TRAM1: variants seen among roughly 807,000 people sequenced by gnomAD.
TRAM1 encodes translocating chain-associated membrane protein 1.
TRAM1 carries 17 observed loss-of-function variants against 48.7 expected under a neutral mutation model. The observed-to-expected ratio is 0.35, with a 90% CI of 0.24 to 0.52. The LOEUF is 0.52. Among genes scored for constraint, TRAM1 ranks in the 20% least tolerant of loss-of-function variants. The pLI, the probability that TRAM1 is intolerant of heterozygous loss-of-function variation, is 0.94. For synonymous variants in TRAM1, 182 were observed against 154.0 expected (o/e 1.18, Z -1.34); for missense variants, 351 against 441.5 (o/e 0.79, Z 1.84).
chr8:70,594,484 A>G, intron 6 of TRAM1, 22 bp downstream of exon 6: 1 of 1,566,612 alleles, frequency 6.4e-7, no homozygotes, highest in Non-Finnish European at 8.6e-7. Context: ...ACATTTTTTA[A>G]CACTACAAAA....
At chr8:70,603,826 A>G (rs1023523989) in intron 1 of TRAM1, among the ~76,000 whole-genome samples, 23 of 152,188 alleles carry the variant, frequency 1.5e-4, no homozygotes, top group Admixed American at 2.6e-4. Flanking sequence ...TTCCAAATAA[A>G]ATTAAAATTT....
At position 70,574,755 on chromosome 8, in the gene TRAM1, T is replaced by C. The variant is rs539984552; in HGVS notation, c.*177A>G. On this transcript the variant is annotated 3_prime_UTR_variant, in exon 11 of 11. Coordinates refer to ENST00000262213, the MANE Select transcript of TRAM1 (RefSeq NM_014294.6). ...CTTAGTCTAAGCTAAAATATTTTTT[T>C]CATTCATAGCAATAATCCTCCCCTC... 1 of 515,064 alleles carries C rather than the reference T, an allele frequency of 1.9e-6. No individual in the cohort carries two copies. Among genetic ancestry groups the C allele is most frequent in the South Asian group, 2.7e-5 (1 of 36,436 alleles). The allele number at this position is 515,064 out of a possible 1,614,324, so 31.9% of individuals were successfully genotyped here. A position where few individuals can be genotyped will look rare whatever the true frequency, so the allele number is the denominator to read the frequency against.
intron 4 of TRAM1, among the ~76,000 whole-genome samples, chr8:70,596,669 T>C (rs952583743): frequency 1.3e-5 from 2 of 152,068 alleles, no homozygotes; most frequent in Non-Finnish European, 2.9e-5. Flanking sequence ...TTGTCTTAGG[T>C]AATCAGAAGA....
chr8:70,582,640 C>T (rs1192161798), intron 10 of TRAM1, among the ~76,000 whole-genome samples: 1 of 151,580 alleles, frequency 6.6e-6, no homozygotes, highest in Non-Finnish European at 1.5e-5. Flanking sequence ...AAGCCTAATA[C>T]CACATACACA....
chr8:70,602,826 A>C (rs760339071), intron 1 of TRAM1, among the ~76,000 whole-genome samples: 8 of 152,198 alleles, frequency 5.3e-5, no homozygotes, highest in Non-Finnish European at 1.2e-4. Flanking sequence ...AAGAAAGGCA[A>C]AACAATGAGG....
intron 1 of TRAM1, among the ~76,000 whole-genome samples, chr8:70,603,333 C>T (rs962386394): frequency 6.8e-6 from 1 of 147,592 alleles, no homozygotes; most frequent in African/African-American, 2.5e-5. Context: ...CACACACACA[C>T]AATCTGTTTT....
intron 1 of TRAM1, chr8:70,607,833 G>A (rs1389449809): frequency 5.7e-6 from 2 of 350,512 alleles, no homozygotes; most frequent in African/African-American, 2.1e-5. Context: ...CGACGCGGCG[G>A]TCCCCACCCC....
intron 2 of TRAM1, among the ~76,000 whole-genome samples, chr8:70,598,930 C>T (rs1376236225): frequency 6.6e-6 from 1 of 152,116 alleles, no homozygotes; most frequent in Non-Finnish European, 1.5e-5. Flanking sequence ...ATAACTAAAT[C>T]ACTAAATTAA....
rs367610144 is a variant in TRAM1, at chr8:70,576,980, C to T, written c.1052-1975G>A. Reference sequence around the variant, plus strand: ...CTGGGATTAGAGCAGCACTGATATGCCTGCTCAGGGAGCCCCTAGATCTGG... The same window carrying T: ...CTGGGATTAGAGCAGCACTGATATGTCTGCTCAGGGAGCCCCTAGATCTGG... On this transcript the variant is annotated intron_variant, in intron 10 of 10. Coordinates refer to ENST00000262213, the MANE Select transcript of TRAM1 (RefSeq NM_014294.6). 1.6e-3 allele frequency among the ~76,000 whole-genome samples: 238 copies of T among 152,322 alleles called. 7 individuals carry two copies. The South Asian group carries it at 0.047, about 30-fold the overall frequency.
chr8:70,586,767 G>A (rs1255822534), intron 8 of TRAM1, 128 bp downstream of exon 8: 14 of 721,208 alleles, frequency 1.9e-5, no homozygotes, highest in South Asian at 1.4e-4. Context: ...AAATAATTTC[G>A]TTTTATTTAA....
intron 10 of TRAM1, among the ~76,000 whole-genome samples, 172 bp from the exon 11 acceptor site, chr8:70,575,177 G>T (rs956050721): frequency 6.6e-6 from 1 of 152,062 alleles, no homozygotes; most frequent in African/African-American, 2.4e-5. Flanking sequence ...TTAACACAAT[G>T]AACTGAAAGT....
chr8:70,578,720 G>A (rs1407346616), intron 10 of TRAM1, among the ~76,000 whole-genome samples: 2 of 152,202 alleles, frequency 1.3e-5, no homozygotes, highest in Non-Finnish European at 1.5e-5. Context: ...ATTACACAAA[G>A]GACAAATCTG....
chr8:70,582,287 T>C (rs1053068646), intron 10 of TRAM1, among the ~76,000 whole-genome samples: 2 of 149,116 alleles, frequency 1.3e-5, no homozygotes, highest in Non-Finnish European at 3.0e-5. Flanking sequence ...CCAGGTTGTA[T>C]AATTTTTTTT....
chr8:70,576,303 GA>G (rs905746181), intron 10 of TRAM1, among the ~76,000 whole-genome samples: 2 of 151,992 alleles, frequency 1.3e-5, no homozygotes, highest in African/African-American at 2.4e-5. Flanking sequence ...CAATGATCCA[GA>G]AAAGAGACAA....
In TRAM1 at chr8:70,597,894, C is replaced by G; in HGVS notation, c.426+1G>C. 6.3e-7 allele frequency: 1 copy of G among 1,588,950 alleles called. No homozygotes were observed. The highest frequency in any genetic ancestry group is 8.6e-7 in the Non-Finnish European group (1 of 1,165,032). On this transcript the variant is annotated splice_donor_variant, in intron 4 of 10. Transcript: ENST00000262213. LOFTEE classifies it high-confidence loss of function. ...ACAACAACCTAAGAGGACATACTTACAGAGATGAGAATGAATGTGCCCCAA... is the reference window on the plus strand; with the variant it reads ...ACAACAACCTAAGAGGACATACTTAGAGAGATGAGAATGAATGTGCCCCAA...
chr8:70,599,668 T>C (rs767031721), intron 2 of TRAM1, among the ~76,000 whole-genome samples: 2 of 152,218 alleles, frequency 1.3e-5, no homozygotes, highest in African/African-American at 4.8e-5. Context: ...AAATCTGCCA[T>C]TGTGCTTTTA....
rs529405995 is a variant in TRAM1 at position 70,588,054 on chromosome 8, A to AGCT, written c.571-879_571-878insAGC. Among the ~76,000 whole-genome samples, 44 of 152,210 alleles carry AGCT rather than the reference A, an allele frequency of 2.9e-4. No individual in the cohort carries two copies. In the South Asian group the frequency reaches 9.2e-3, roughly 32 times the overall value. On this transcript the variant is annotated intron_variant, in intron 6 of 10. Transcript: ENST00000262213. ...CAACACAGCAAGACCCTGTCTCTACAAAAACTACAATTAGCTAGGCGTGGT... is the reference window on the plus strand; with the variant it reads ...CAACACAGCAAGACCCTGTCTCTACAGCTAAAACTACAATTAGCTAGGCGTGGT...
At chr8:70,603,030 A>G (rs1378826690) in intron 1 of TRAM1, among the ~76,000 whole-genome samples, 8 of 152,130 alleles carry the variant, frequency 5.3e-5, no homozygotes, top group Non-Finnish European at 1.0e-4. Flanking sequence ...CGGCCAGTAA[A>G]GTGAGTTGCC....
At chr8:70,597,758 A>T (rs1817522004) in intron 4 of TRAM1, 137 bp downstream of exon 4, 1 of 498,870 alleles carries the variant, frequency 2.0e-6, no homozygotes, top group Non-Finnish European at 3.4e-6. Context: ...CAGTAAACAT[A>T]GTTTAGAATT....
Sources: allele counts gnomAD v4.1 joint callset (sites outside exome capture counted in the v4.1 genomes callset), GRCh38; gene constraint gnomAD v4.1.1; transcripts MANE v1.5; gene names NCBI Gene and HGNC (gene_info 2026-07-23, HGNC 2026-07-21).